The following BDP1 variants were observed in gnomAD, a reference collection of about 807,000 sequenced individuals.
The protein encoded by BDP1 is BDP1 general transcription factor IIIB subunit.
Under a neutral mutation model 266.6 loss-of-function variants are expected in BDP1, and 169 were observed. The ratio of observed to expected loss-of-function variants is 0.63; its 90% CI spans 0.56 to 0.72. The LOEUF (loss-of-function observed/expected upper bound fraction) is 0.72, where lower values mean the gene tolerates loss of function less well. Ranked by LOEUF, BDP1 falls within the 30% of genes least tolerant of loss-of-function variation. The probability of loss-of-function intolerance (pLI) is 0.00; values close to 1 mark genes in which losing one functional copy is unlikely to be tolerated. For missense variants in BDP1, 3,015 were observed against 3,053.8 expected, an observed-to-expected ratio of 0.99 and a Z score of 0.30; for synonymous variants, 1,090 against 1,022.4, an observed-to-expected ratio of 1.07 and a Z score of -1.26.
chr5:71,508,869 G>T (rs983418489), intron 16 of BDP1, among the ~76,000 whole-genome samples: 1 of 152,198 alleles, frequency 6.6e-6, no homozygotes, highest in Non-Finnish European at 1.5e-5. Context: ...AAGTATTATT[G>T]TGTATTTGGT....
intron 11 of BDP1, among the ~76,000 whole-genome samples, chr5:71,493,166 T>C (rs1023691018): frequency 1.3e-5 from 2 of 152,238 alleles, no homozygotes; most frequent in African/African-American, 2.4e-5. Context: ...AGTTGTTTGT[T>C]CCTAGGTGAC....
intron 25 of BDP1, among the ~76,000 whole-genome samples, chr5:71,526,380 G>A (rs1313799573): frequency 2.0e-5 from 3 of 151,806 alleles, no homozygotes; most frequent in African/African-American, 7.2e-5. Flanking sequence ...ACTTTGGGAG[G>A]CCGAGGTGGG....
chr5:71,568,006 G>A (rs1410303456), downstream of BDP1, among the ~76,000 whole-genome samples: 2 of 152,042 alleles, frequency 1.3e-5, no homozygotes, highest in Non-Finnish European at 2.9e-5. Context: ...GCCAACTGTG[G>A]TGGTGTGTGC....
chr5:71,523,954 A>G lies in BDP1; in HGVS notation c.5403A>G (p.Leu1801=), dbSNP rs1408954255. The G allele has an allele frequency of 2.5e-6, 4 of 1,613,280 alleles. No individual in the cohort carries two copies. The East Asian group carries it at 6.7e-5, about 27-fold the overall frequency. The change falls in exon 25 of 39, where the codon TTA becomes TTG. Residue 1801 remains leucine, a synonymous_variant. Coordinates refer to ENST00000358731, the MANE Select transcript of BDP1 (RefSeq NM_018429.3). The stretch of plus-strand genomic sequence containing the variant: ...AAATATCTAGCTGTCCACAACCGTT[A>G]AACGAAACAAGTTACTCTAAAATTG... ...LNKLTSCPQP[L]NETSYSKIAL... is the part of the protein sequence containing the mutation.
chr5:71,489,504 TGAA>T lies in BDP1; in HGVS notation c.1320_1322del (p.Glu441del). ...GATCTCAGAAGGATGCTCAGACAGT[TGAA>T]GAAGAGTCTCTGACCTTATCAAGGG... On this transcript the variant is annotated inframe_deletion, in exon 10 of 39. Transcript: ENST00000358731. 6.2e-7 allele frequency: 1 copy of T among 1,614,110 alleles called. No individual in the cohort carries two copies. The highest frequency in any genetic ancestry group is 8.5e-7 in the Non-Finnish European group (1 of 1,180,000).
rs1226143692 is a variant in BDP1 at position 71,466,202 on chromosome 5, A to C, written c.766A>C (p.Ile256Leu). Reference sequence around the variant, plus strand: ...AGTAAAAGTGGCAGAAGATGGTTCCATTATTTTGGATGAAGAAAGGTATTT... The same window carrying C: ...AGTAAAAGTGGCAGAAGATGGTTCCCTTATTTTGGATGAAGAAAGGTATTT... ...PRVKVAEDGS[I>L]ILDEESLTVE... Residue 256 changes from isoleucine to leucine, a missense_variant, in exon 5 of 39, where the codon ATT becomes CTT. Around this residue, in one of 3 missense-constraint regions of BDP1, gnomAD observed 2,383 missense variants for 2,404.9 expected, o/e 0.99. Transcript: ENST00000358731. The C allele has an allele frequency of 1.2e-6, 2 of 1,614,054 alleles. No homozygotes were observed. The highest frequency in any genetic ancestry group is 2.2e-5 in the East Asian group (1 of 44,834).
intron 26 of BDP1, chr5:71,537,916 T>G (rs1257135107): frequency 6.5e-6 from 1 of 153,118 alleles, no homozygotes; most frequent in Non-Finnish European, 1.5e-5. Context: ...AAAGCTGGGC[T>G]GCCTGGCTGC....
At chr5:71,557,402 T>TTTTTTA (rs1743301857) in intron 36 of BDP1, among the ~76,000 whole-genome samples, 1 of 141,160 alleles carries the variant, frequency 7.1e-6, no homozygotes, top group Non-Finnish European at 1.5e-5. Flanking sequence ...TTTTTTTTTT[T>TTTTTTA]GAGACGGTGT....
intron 3 of BDP1, among the ~76,000 whole-genome samples, chr5:71,462,522 G>A (rs1761639330): frequency 6.6e-6 from 1 of 152,106 alleles, no homozygotes; most frequent in Admixed American, 6.6e-5. Flanking sequence ...AGGAGACCAA[G>A]GTGTGTGGGC....
In BDP1 at chr5:71,509,519, T is replaced by G; in HGVS notation, c.2427T>G (p.Thr809=). The part of the protein sequence containing the change: ...NKLNQVPILR[T]RFQKPKPNIG... ...TTAACCAAGTCCCAATTCTAAGGAC[T>G]CGATTTCAGAAACCAAAGCCAAATA... Residue 809 remains threonine (T), a synonymous_variant, in exon 17 of 39, where the codon ACT becomes ACG. Coordinates refer to ENST00000358731, the MANE Select transcript of BDP1 (RefSeq NM_018429.3). 1.2e-6 allele frequency: 2 copies of G among 1,607,008 alleles called. No individual in the cohort carries two copies. Among genetic ancestry groups the G allele is most frequent in the South Asian group, 2.2e-5 (2 of 89,472 alleles).
At chr5:71,559,335 T>G (rs1743463274) in intron 36 of BDP1, among the ~76,000 whole-genome samples, 1 of 152,200 alleles carries the variant, frequency 6.6e-6, no homozygotes, top group Non-Finnish European at 1.5e-5. Context: ...AGTGAAGTGT[T>G]AGTGAATTTG....
At chr5:71,573,060 C>A in the BDP1 span, among the ~76,000 whole-genome samples, 1 of 151,978 alleles carries the variant, frequency 6.6e-6, no homozygotes, top group African/African-American at 2.4e-5. Context: ...GAAACCCTGT[C>A]TCTACTAAAA....
intron 3 of BDP1, among the ~76,000 whole-genome samples, chr5:71,462,526 T>C (rs1761640109): frequency 6.6e-6 from 1 of 151,942 alleles, no homozygotes; most frequent in Admixed American, 6.6e-5. Context: ...GACCAAGGTG[T>C]GTGGGCCGCC....
intron 32 of BDP1, among the ~76,000 whole-genome samples, chr5:71,546,788 A>G (rs1442829497): frequency 6.6e-6 from 1 of 152,116 alleles, no homozygotes; most frequent in African/African-American, 2.4e-5. Context: ...CATTGTCTCA[A>G]CAATATGTAA....
chr5:71,505,425 A>G (rs1416319012), intron 16 of BDP1, among the ~76,000 whole-genome samples: 1 of 152,198 alleles, frequency 6.6e-6, no homozygotes, highest in Non-Finnish European at 1.5e-5. Flanking sequence ...CCTTTATTTA[A>G]GATTTATAAA....
chr5:71,513,023 A>G (rs1309860067), intron 18 of BDP1, among the ~76,000 whole-genome samples, 162 bp from the exon 19 acceptor site: 1 of 140,690 alleles, frequency 7.1e-6, no homozygotes, highest in Non-Finnish European at 1.5e-5. Context: ...TGATTGTGTC[A>G]TTGCACTCCA....
At chr5:71,491,404 C>CG (rs1561702281) in intron 11 of BDP1, among the ~76,000 whole-genome samples, 2 of 150,794 alleles carry the variant, frequency 1.3e-5, no homozygotes, top group African/African-American at 4.9e-5. Flanking sequence ...TTTTGGTTGG[C>CG]GTTTGCATGG....
At chr5:71,542,342 G>T in intron 30 of BDP1, 77 bp downstream of exon 30, 3 of 1,305,738 alleles carry the variant, frequency 2.3e-6, no homozygotes, top group South Asian at 1.4e-5. Flanking sequence ...AGAAATATTT[G>T]GTCATTAAAT....
intron 36 of BDP1, among the ~76,000 whole-genome samples, chr5:71,558,654 C>T (rs1743400597): frequency 6.6e-6 from 1 of 151,352 alleles, no homozygotes; most frequent in Admixed American, 6.6e-5. Flanking sequence ...GGCGAAGCCT[C>T]ATCTCTACTA....
Sources: allele counts gnomAD v4.1 joint callset (sites outside exome capture counted in the v4.1 genomes callset), GRCh38; gene constraint gnomAD v4.1.1; regional missense constraint gnomAD v4.1.1; transcripts MANE v1.5; gene names NCBI Gene and HGNC (gene_info 2026-07-23, HGNC 2026-07-21).